The following MCF2L variants were observed in gnomAD, a reference collection of about 807,000 sequenced individuals.
MCF2L encodes MCF.2 cell line derived transforming sequence like.
Under a neutral mutation model 153.4 loss-of-function variants are expected in MCF2L, and 97 were observed. That is an observed-to-expected ratio of 0.63 (90% CI 0.54 to 0.75). The LOEUF is 0.75. MCF2L is among the 30% of genes least tolerant of loss of function. The probability of loss-of-function intolerance (pLI) is 0.00; values close to 1 mark genes in which losing one functional copy is unlikely to be tolerated. For synonymous variants in MCF2L, 659 were observed against 632.2 expected (o/e 1.04, Z -0.64); for missense variants, 1,347 against 1,495.2 (o/e 0.90, Z 1.64).
chr13:112,927,021 C>T (rs1055892076), intron 2 of MCF2L, among the ~76,000 whole-genome samples: 2 of 152,068 alleles, frequency 1.3e-5, no homozygotes, highest in African/African-American at 4.8e-5. Context: ...CAGTTTTTGT[C>T]AATTTAAAAG....
chr13:113,096,255 G>A, intron 27 of MCF2L, 116 bp from the exon 28 acceptor site: 1 of 774,764 alleles, frequency 1.3e-6, no homozygotes, highest in Non-Finnish European at 2.1e-6. Flanking sequence ...AGCTGGTCGT[G>A]GCCAGGAGCT....
At chr13:112,896,273 C>A (rs1398560768) in intron 1 of MCF2L, among the ~76,000 whole-genome samples, 2 of 152,166 alleles carry the variant, frequency 1.3e-5, no homozygotes, top group African/African-American at 4.8e-5. Flanking sequence ...TCTTCACCGC[C>A]CCCCCGAGGC....
chr13:113,077,399 A>G (rs1018830713), intron 13 of MCF2L, among the ~76,000 whole-genome samples, 188 bp downstream of exon 13: 1 of 152,106 alleles, frequency 6.6e-6, no homozygotes, highest in African/African-American at 2.4e-5. Flanking sequence ...ATGTTTATAA[A>G]TGGAGTTTTG....
intron 3 of MCF2L, chr13:113,044,170 C>T (rs530196752): frequency 2.5e-4 from 54 of 212,264 alleles, no homozygotes; most frequent in African/African-American, 1.2e-3. Context: ...AGTGTTTATT[C>T]GTGTACTCAC....
chr13:113,075,614 C>T (rs1033554381), intron 11 of MCF2L, among the ~76,000 whole-genome samples: 6 of 152,130 alleles, frequency 3.9e-5, no homozygotes, highest in Non-Finnish European at 8.8e-5. Flanking sequence ...GGATTACAGG[C>T]GTGAGCCACC....
At chr13:112,937,797 T>C (rs1302492878) in intron 2 of MCF2L, among the ~76,000 whole-genome samples, 41 of 151,728 alleles carry the variant, frequency 2.7e-4, no homozygotes, top group Middle Eastern at 3.4e-3. Flanking sequence ...CACTGATAAG[T>C]TGGTTCAGGT....
rs563093839 is a variant in MCF2L, at chr13:112,897,887, G to A, written c.-5+3456G>A. 5.3e-5 allele frequency among the ~76,000 whole-genome samples: 8 copies of A among 152,252 alleles called. No homozygotes were observed. In the East Asian group the frequency reaches 7.8e-4, roughly 15 times the overall value. ...AGTGAGGGCTGCAGTCAGGGGTGTC[G>A]GCCTGGCACCCGCTCTGTGCCAGGG... On this transcript the variant is annotated intron_variant, in intron 1 of 29. Transcript: ENST00000375608.
intron 1 of MCF2L, among the ~76,000 whole-genome samples, chr13:113,010,625 C>T (rs1184781102): frequency 6.6e-6 from 1 of 151,864 alleles, no homozygotes; most frequent in East Asian, 1.9e-4. Flanking sequence ...CTCGTCGGCC[C>T]CACCTGCTGC....
chr13:113,029,721 C>CA (rs1259286525), intron 3 of MCF2L, among the ~76,000 whole-genome samples: 1 of 152,192 alleles, frequency 6.6e-6, no homozygotes, highest in African/African-American at 2.4e-5. Context: ...CCTGGGAGAC[C>CA]AAGAGAGGGA....
intron 2 of MCF2L, among the ~76,000 whole-genome samples, chr13:112,963,435 C>A (rs561621852): frequency 1.3e-5 from 2 of 152,258 alleles, no homozygotes; most frequent in South Asian, 4.1e-4. Flanking sequence ...CTCCACAGCG[C>A]GGCATGGCTA....
In MCF2L at chr13:112,983,646, G is replaced by A. The variant is rs1023136150; in HGVS notation, c.79+14188G>A. 1.4e-4 allele frequency among the ~76,000 whole-genome samples: 21 copies of A among 152,198 alleles called. No homozygotes were observed. Among genetic ancestry groups the A allele is most frequent in the African/African-American group, 4.8e-5 (2 of 41,458 alleles). ...ACAGCTCTGTCCCCTGCCTTATCTCGCTGGCTCTGCCCTTGGTCATCAGGA... is the reference window on the plus strand; with the variant it reads ...ACAGCTCTGTCCCCTGCCTTATCTCACTGGCTCTGCCCTTGGTCATCAGGA... On this transcript the variant is annotated intron_variant, in intron 1 of 29. Coordinates refer to ENST00000535094, the MANE Select transcript of MCF2L (RefSeq NM_001112732.3). This position sits in a 1 kb window ranked among gnomAD's most constrained non-coding sequence, Gnocchi z 4.0.
chr13:112,999,463 TC>T (rs1206231931), intron 1 of MCF2L, among the ~76,000 whole-genome samples: 1 of 152,196 alleles, frequency 6.6e-6, no homozygotes, highest in African/African-American at 2.4e-5. Context: ...CTGAGGCCCT[TC>T]TGTGAGAGCC....
intron 2 of MCF2L, among the ~76,000 whole-genome samples, chr13:112,938,232 G>A (rs867080450): frequency 1.1e-4 from 13 of 122,134 alleles, no homozygotes; most frequent in African/African-American, 3.1e-4. Flanking sequence ...TCAGGTGAGC[G>A]CTGAGGGGTT....
In MCF2L at chr13:113,097,596, C is replaced by T. The variant is rs1232543148; in HGVS notation, c.*737C>T. Reference sequence around the variant, plus strand: ...TTAGAAGCCAAGGAGATTCCTTTATCTACCTAGGGTTCATTTTCAAAAGAA... The same window carrying T: ...TTAGAAGCCAAGGAGATTCCTTTATTTACCTAGGGTTCATTTTCAAAAGAA... On this transcript the variant is annotated 3_prime_UTR_variant, in exon 30 of 30. Coordinates refer to ENST00000535094, the MANE Select transcript of MCF2L (RefSeq NM_001112732.3). 6.6e-6 allele frequency: 1 copy of T among 152,164 alleles called. No individual in the cohort carries two copies. The highest frequency in any genetic ancestry group is 2.4e-5 in the African/African-American group (1 of 41,426). The allele number at this position is 152,164 out of a possible 1,614,324, so 9.4% of individuals were successfully genotyped here.
chr13:112,921,716 C>T lies in MCF2L; in HGVS notation c.169+19345C>T, dbSNP rs563116023. Among the ~76,000 whole-genome samples the T allele has an allele frequency of 6.4e-4, 97 of 152,248 alleles. 1 individual carries two copies. Among genetic ancestry groups the T allele is most frequent in the African/African-American group, 2.2e-3 (92 of 41,548 alleles). On this transcript the variant is annotated intron_variant, in intron 2 of 29. Coordinates refer to the MCF2L transcript ENST00000375608. Reference sequence around the variant, plus strand: ...AATAATACAGGAACACTGTCCTAGACGTTAAGAATAAAATCAGAAGGCTGG... The same window carrying T: ...AATAATACAGGAACACTGTCCTAGATGTTAAGAATAAAATCAGAAGGCTGG...
chr13:113,066,328 G>A (rs940186795), intron 8 of MCF2L, among the ~76,000 whole-genome samples, 158 bp downstream of exon 8: 4 of 152,206 alleles, frequency 2.6e-5, no homozygotes, highest in African/African-American at 2.4e-5. Flanking sequence ...GCCGGCCTCC[G>A]AGCCTCTGTG....
rs367704869 is a variant in MCF2L at position 113,026,926 on chromosome 13, C to T, written c.278+2168C>T. On this transcript the variant is annotated intron_variant, in intron 3 of 29. Coordinates refer to ENST00000535094, the MANE Select transcript of MCF2L (RefSeq NM_001112732.3). ...GCTGCAGGCTGACTTGGGAGGGGTG[C>T]CGCGGGGGTCTCTCATCTGATGTGC... 137 of 772,162 alleles carry T rather than the reference C, an allele frequency of 1.8e-4. No individual in the cohort carries two copies. In the African/African-American group the frequency reaches 2.1e-3, roughly 12 times the overall value. 47.8% of individuals were successfully genotyped at this position (772,162 alleles called of 1,614,324 possible).
rs2141421313 is a variant in MCF2L at position 113,035,397 on chromosome 13, C to A, written c.279-9874C>A. ...AAGCCACAGAATTATTTCCTGCAGC[C>A]ACAGAGACTTCCTTGGCGGGAAACC... On this transcript the variant is annotated intron_variant, in intron 3 of 29. Coordinates refer to ENST00000535094, the MANE Select transcript of MCF2L (RefSeq NM_001112732.3). The surrounding 1 kb of genome is among the most constrained non-coding windows in gnomAD (Gnocchi z 4.4). Among the ~76,000 whole-genome samples, 1 of 152,304 alleles carries A rather than the reference C, an allele frequency of 6.6e-6. No homozygotes were observed. Among genetic ancestry groups the A allele is most frequent in the South Asian group, 2.1e-4 (1 of 4,822 alleles).
chr13:113,087,127 A>G (rs1697474797), intron 21 of MCF2L, 108 bp from the exon 22 acceptor site: 1 of 939,840 alleles, frequency 1.1e-6, no homozygotes, highest in Non-Finnish European at 1.6e-6. Flanking sequence ...TGCAGCTGGA[A>G]TCCCACCGTG....
Sources: gnomAD v4.1 joint callset for allele counts (sites outside exome capture counted in the v4.1 genomes callset) on GRCh38, gnomAD v4.1.1 for gene constraint, Gnocchi (gnomAD v3.1) non-coding constraint, MANE v1.5 for transcripts, NCBI Gene and HGNC (gene_info 2026-07-23, HGNC 2026-07-21) for gene names.